Variants in SRRM4 observed in about 807,000 individuals in gnomAD.
SRRM4 encodes the protein serine/arginine repetitive matrix 4.
A neutral mutation model predicts 68.9 loss-of-function variants in SRRM4; 33 were observed. The observed-to-expected ratio is 0.48, with a 90% CI of 0.36 to 0.64. The LOEUF is 0.64. Among genes scored for constraint, SRRM4 ranks in the 30% least tolerant of loss-of-function variants. The probability of loss-of-function intolerance (pLI) is 0.00; values close to 1 mark genes in which losing one functional copy is unlikely to be tolerated. For missense variants in SRRM4, 817 were observed against 827.1 expected (o/e 0.99, Z 0.15); for synonymous variants, 318 against 318.8 (o/e 1.00, Z 0.03).
At chr12:119,022,946 T>A (rs987698225) in intron 1 of SRRM4, among the ~76,000 whole-genome samples, 5 of 152,292 alleles carry the variant, frequency 3.3e-5, no homozygotes, top group African/African-American at 9.6e-5. Flanking sequence ...AGCCATTGCA[T>A]GAAGACACAA....
intron 9 of SRRM4, among the ~76,000 whole-genome samples, chr12:119,150,136 TA>T (rs1420322052): frequency 1.3e-5 from 2 of 152,070 alleles, no homozygotes; most frequent in Non-Finnish European, 2.9e-5. Flanking sequence ...AATATATAAG[TA>T]AAAGGAAAAT....
At chr12:119,001,497 C>G (rs1317675555) in intron 1 of SRRM4, among the ~76,000 whole-genome samples, 6 of 152,196 alleles carry the variant, frequency 3.9e-5, no homozygotes. Context: ...CTGATCAGTT[C>G]TTTCTCTGTA....
At chr12:119,085,168 C>G (rs761960018) in intron 1 of SRRM4, among the ~76,000 whole-genome samples, 1 of 152,204 alleles carries the variant, frequency 6.6e-6, no homozygotes, top group Non-Finnish European at 1.5e-5. Flanking sequence ...TCCCAAAGTG[C>G]TGGGATTACA....
chr12:119,113,443 A>G (rs1954157037), intron 2 of SRRM4, among the ~76,000 whole-genome samples: 1 of 152,228 alleles, frequency 6.6e-6, no homozygotes. Flanking sequence ...CAAGACAGTA[A>G]AAGTCATACC....
At chr12:118,987,556 G>A (rs557013729) in intron 1 of SRRM4, among the ~76,000 whole-genome samples, 2 of 152,318 alleles carry the variant, frequency 1.3e-5, no homozygotes, top group Admixed American at 1.3e-4. Context: ...TTTATTGGTT[G>A]CAAATGCTTA....
At chr12:119,001,833 A>G (rs952698192) in intron 1 of SRRM4, 7 of 152,068 alleles carry the variant, frequency 4.6e-5, no homozygotes, top group Non-Finnish European at 1.0e-4. Context: ...ATAAACAAAA[A>G]TTAACCAGGT....
intron 1 of SRRM4, among the ~76,000 whole-genome samples, chr12:119,029,323 C>T (rs1953571367): frequency 1.3e-5 from 2 of 152,100 alleles, no homozygotes; most frequent in South Asian, 4.1e-4. Flanking sequence ...GTATGCTAAG[C>T]CCTGATGAAG....
chr12:119,125,309 T>C (rs1177785400), intron 6 of SRRM4, 72 bp from the exon 7 acceptor site: 10 of 1,392,870 alleles, frequency 7.2e-6, no homozygotes, highest in Non-Finnish European at 1.0e-5. Context: ...TGTCACAAGA[T>C]CAAATCTCTC....
Position 119,156,643 on chromosome 12 carries a change from C to A in SRRM4, c.1681C>A (p.Arg561=). 6.3e-7 allele frequency: 1 copy of A among 1,590,846 alleles called. No homozygotes were observed. The highest frequency in any genetic ancestry group is 1.7e-5 in the Admixed American group (1 of 57,270). Residue 561 remains arginine (R), a synonymous_variant, in exon 13 of 13, where the codon CGG becomes AGG. Coordinates refer to ENST00000267260, the MANE Select transcript of SRRM4 (RefSeq NM_194286.4). The part of the protein sequence containing the change: ...RSRSRSRSRR[R]SRTRTSSSSS... ...CCGGAGTCGGAGCCGGAGCCGGAGA[C>A]GGAGCCGGACCCGCACGAGCAGCAG...
rs1420290296 is a variant in SRRM4, at chr12:119,019,955, C to CT, written c.131+37942_131+37943insT. Among the ~76,000 whole-genome samples, 130 of 77,998 alleles carry CT rather than the reference C, an allele frequency of 1.7e-3. 6 individuals are homozygous for CT. The highest frequency in any genetic ancestry group is 6.9e-4 in the Non-Finnish European group (21 of 30,422). 51.2% of individuals were successfully genotyped at this position (77,998 alleles called of 152,430 possible). On this transcript the variant is annotated intron_variant, in intron 1 of 12. Coordinates refer to ENST00000267260, the MANE Select transcript of SRRM4 (RefSeq NM_194286.4). ...TCTGGACAGTTCCCCCCGCTCCCCC[C>CT]CCCCCCAAAAAAAAATCACACACAT... is the stretch of plus-strand genomic sequence containing the variant.
At chr12:118,998,298 A>AAAAAAAAAAAAAAAAC (rs1953362214) in intron 1 of SRRM4, among the ~76,000 whole-genome samples, 2 of 143,092 alleles carry the variant, frequency 1.4e-5, no homozygotes, top group Admixed American at 7.0e-5. Flanking sequence ...AAAAAAAAAA[A>AAAAAAAAAAAAAAAAC]ATCACAGAGA....
intron 2 of SRRM4, among the ~76,000 whole-genome samples, chr12:119,112,985 A>AC (rs1954154032): frequency 5.3e-5 from 8 of 151,814 alleles, no homozygotes; most frequent in African/African-American, 1.5e-4. Context: ...ATTAAAAAAA[A>AC]ACAGCACATC....
intron 1 of SRRM4, among the ~76,000 whole-genome samples, chr12:119,075,900 C>T (rs1031442718): frequency 5.5e-4 from 43 of 78,868 alleles, no homozygotes; most frequent in African/African-American, 8.8e-4. Flanking sequence ...ATGATGGTAG[C>T]GATGATGGTG....
At chr12:119,017,719 G>T (rs952122906) in intron 1 of SRRM4, among the ~76,000 whole-genome samples, 6 of 152,088 alleles carry the variant, frequency 3.9e-5, no homozygotes, top group Non-Finnish European at 5.9e-5. Flanking sequence ...TTTGGGGAGG[G>T]GTCCGTCTCA....
At chr12:119,065,874 T>G (rs1349340911) in intron 1 of SRRM4, among the ~76,000 whole-genome samples, 1 of 152,066 alleles carries the variant, frequency 6.6e-6, no homozygotes. Context: ...GATGGGTGGA[T>G]GGGTGGGTGA....
intron 7 of SRRM4, among the ~76,000 whole-genome samples, chr12:119,127,373 G>A (rs1474896866): frequency 6.6e-6 from 1 of 152,110 alleles, no homozygotes; most frequent in Non-Finnish European, 1.5e-5. Context: ...CACAAGGGTA[G>A]ATTTTAAAAT....
chr12:118,987,669 G>A (rs988693973), intron 1 of SRRM4, among the ~76,000 whole-genome samples: 10 of 152,292 alleles, frequency 6.6e-5, no homozygotes, highest in African/African-American at 2.4e-4. Flanking sequence ...CTGCTGTGAG[G>A]ACTGGATGAG....
chr12:119,008,377 AT>A (rs1435318086), intron 1 of SRRM4, among the ~76,000 whole-genome samples: 2 of 151,994 alleles, frequency 1.3e-5, no homozygotes, highest in African/African-American at 2.4e-5. Flanking sequence ...AAAAAAAAAA[AT>A]GAATAAAAAG....
chr12:119,130,769 G>A lies in SRRM4; in HGVS notation c.706G>A (p.Ala236Thr), dbSNP rs746034239. ...GACCCTCTGCAAGGACAGCCCTGAG[G>A]CCCAGTCCAGTCGCCCGCCCAGTCA... The part of the protein sequence containing the change: ...SKTLCKDSPE[A>T]QSSRPPSQPL... The change falls in exon 8 of 13, where the codon GCC becomes ACC. Residue 236 changes from alanine (A) to threonine (T), a missense_variant. By Grantham distance (58) the Ala-to-Thr change is moderately conservative. Transcript: ENST00000267260. 1.9e-6 allele frequency: 3 copies of A among 1,610,168 alleles called. No individual in the cohort carries two copies. The South Asian group carries it at 3.3e-5, about 18-fold the overall frequency.
Sources: allele counts gnomAD v4.1 joint callset (sites outside exome capture counted in the v4.1 genomes callset), GRCh38; gene constraint gnomAD v4.1.1; transcripts MANE v1.5; gene names NCBI Gene and HGNC (gene_info 2026-07-23, HGNC 2026-07-21).